Variants in STT3A observed in about 807,000 individuals in gnomAD.
STT3A encodes the protein STT3 oligosaccharyltransferase complex catalytic subunit A.
In STT3A, 34 loss-of-function variants were observed where a neutral mutation model predicts 89.2. The ratio of observed to expected loss-of-function variants is 0.38; its 90% confidence interval spans 0.29 to 0.51. The LOEUF is 0.51. Among genes scored for constraint, STT3A ranks in the 20% least tolerant of loss-of-function variants. The pLI, the probability that STT3A is intolerant of heterozygous loss-of-function variation, is 0.89. For missense variants in STT3A, 555 were observed against 889.5 expected (o/e 0.62, Z 4.78); for synonymous variants, 282 against 310.3 (o/e 0.91, Z 0.96).
chr11:125,618,240 AT>A (rs1565352655), intron 15 of STT3A, 132 bp from the exon 16 acceptor site: 1 of 832,982 alleles, frequency 1.2e-6, no homozygotes, highest in Non-Finnish European at 1.8e-6. Flanking sequence ...TGTCCTCACT[AT>A]TTTTACAAAT....
intron 16 of STT3A, 53 bp downstream of exon 16, chr11:125,618,614 T>A (rs1940249287): frequency 6.5e-7 from 1 of 1,541,346 alleles, no homozygotes; most frequent in Admixed American, 1.9e-5. Context: ...TGATTACTAA[T>A]ACACAGTATT....
chr11:125,602,993 G>C (rs993330539), intron 5 of STT3A, 45 bp downstream of exon 5: 1 of 1,610,066 alleles, frequency 6.2e-7, no homozygotes, highest in Non-Finnish European at 8.5e-7. Flanking sequence ...GAATGTTATT[G>C]AGCCTCTCTA....
At chr11:125,620,636 C>A in intron 17 of STT3A, 136 bp from the exon 18 acceptor site, 1 of 722,382 alleles carries the variant, frequency 1.4e-6, no homozygotes. Context: ...CTAGTCAGTG[C>A]TTGTGTATTC....
At chr11:125,608,772 A>G (rs1299400521) in intron 9 of STT3A, among the ~76,000 whole-genome samples, 1 of 152,216 alleles carries the variant, frequency 6.6e-6, no homozygotes, top group Non-Finnish European at 1.5e-5. Context: ...TTTTACATTC[A>G]ATCCACTTTT....
intron 1 of STT3A, among the ~76,000 whole-genome samples, chr11:125,594,030 A>G (rs1183010271): frequency 6.6e-6 from 1 of 152,204 alleles, no homozygotes; most frequent in Non-Finnish European, 1.5e-5. Context: ...AAAAATACAC[A>G]ATTTGTTGTA....
chr11:125,591,993 G>A (rs983961114), upstream of STT3A: 2 of 160,784 alleles, frequency 1.2e-5, no homozygotes, highest in Non-Finnish European at 1.4e-5. Flanking sequence ...GGGTGCGAGA[G>A]AAGAGAGGCA....
upstream of STT3A, chr11:125,592,466 C>G (rs959477688): frequency 8.8e-6 from 4 of 456,180 alleles, no homozygotes; most frequent in African/African-American, 2.0e-5. Flanking sequence ...GTTACTGGGA[C>G]TTGGAGCAAG....
chr11:125,620,868 A>T lies in STT3A; in HGVS notation c.*58A>T. The T allele has an allele frequency of 8.4e-7, 1 of 1,185,296 alleles. No individual in the cohort carries two copies. The highest frequency in any genetic ancestry group is 1.2e-6 in the Non-Finnish European group (1 of 866,828). 73.4% of individuals were successfully genotyped at this position (1,185,296 alleles called of 1,614,324 possible). On this transcript the variant is annotated 3_prime_UTR_variant, in exon 18 of 18. Coordinates refer to ENST00000392708, the MANE Select transcript of STT3A (RefSeq NM_152713.5). ...GAGCACATCACATTTAGGACGTTGA[A>T]GATTTTTTTTTTTTTTTTTTTTTAA...
chr11:125,603,706 G>A (rs1362365049), intron 5 of STT3A, among the ~76,000 whole-genome samples: 1 of 152,194 alleles, frequency 6.6e-6, no homozygotes, highest in Non-Finnish European at 1.5e-5. Context: ...GGCATCTTCA[G>A]TTTAGGTAGA....
rs59685125 is a variant in STT3A at position 125,611,863 on chromosome 11, ATTTTTTTTTTTTT to A, written c.1209+363_1209+375del. 6.5e-3 allele frequency among the ~76,000 whole-genome samples: 372 copies of A among 56,996 alleles called. 1 individual carries two copies. Among genetic ancestry groups the A allele is most frequent in the African/African-American group, 9.8e-3 (147 of 15,052 alleles). 37.4% of individuals were successfully genotyped at this position (56,996 alleles called of 152,430 possible). A position where few individuals can be genotyped will look rare whatever the true frequency, so the allele number is the denominator to read the frequency against. ...CTAGATTGTTAGAGGAGGGATTTGA[ATTTTTTTTTTTTT>A]TTTTTTTTTTTTTTTTTTGAGACAG... On this transcript the variant is annotated intron_variant, in intron 11 of 17. Coordinates refer to ENST00000392708, the MANE Select transcript of STT3A (RefSeq NM_152713.5).
chr11:125,602,344 G>T lies in STT3A; in HGVS notation c.191G>T (p.Gly64Val). ...YRTTRFLAEEGFYKFHNWFDD... is the reference protein window; with the variant it reads ...YRTTRFLAEEVFYKFHNWFDD... Reference sequence around the variant, plus strand: ...ACTACCAGGTTCCTGGCTGAGGAGGGGTTTTATAAATTCCATAACTGGTTT... The same window carrying T: ...ACTACCAGGTTCCTGGCTGAGGAGGTGTTTTATAAATTCCATAACTGGTTT... The change falls in exon 4 of 18, where the codon GGG becomes GTG. Residue 64 changes from glycine to valine, a missense_variant. By Grantham distance (109) the Gly-to-Val change is moderately radical. Coordinates refer to ENST00000392708, the MANE Select transcript of STT3A (RefSeq NM_152713.5). The T allele has an allele frequency of 1.9e-6, 3 of 1,613,634 alleles. No individual in the cohort carries two copies. Among genetic ancestry groups the T allele is most frequent in the Non-Finnish European group, 2.5e-6 (3 of 1,179,868 alleles).
intron 16 of STT3A, 120 bp downstream of exon 16, chr11:125,618,681 C>A: frequency 1.0e-6 from 1 of 961,336 alleles, no homozygotes; most frequent in Non-Finnish European, 1.5e-6. Flanking sequence ...TTAATCCTCA[C>A]AGCAACCCCA....
intron 15 of STT3A, 149 bp from the exon 16 acceptor site, chr11:125,618,224 G>T (rs1011730098): frequency 1.3e-5 from 9 of 703,568 alleles, no homozygotes; most frequent in Non-Finnish European, 1.6e-5. Flanking sequence ...TGCTTTGCCC[G>T]TATGTTGTCC....
chr11:125,614,048 T>G lies in STT3A; in HGVS notation c.1555-39T>G. 2 of 1,569,722 alleles carry G rather than the reference T, an allele frequency of 1.3e-6. No homozygotes were observed. The highest frequency in any genetic ancestry group is 1.7e-6 in the Non-Finnish European group (2 of 1,150,084). On this transcript the variant is annotated intron_variant, in intron 13 of 17. Transcript: ENST00000392708. The surrounding 1 kb of genome is among the most constrained non-coding windows in gnomAD (Gnocchi z 4.9). ...TGTTGCATTTGATTTTTAGAGACAG[T>G]GAGAAGCTTGTTATTTCCATTTCCC...
intron 8 of STT3A, 127 bp downstream of exon 8, chr11:125,606,592 T>G: frequency 9.4e-7 from 1 of 1,061,184 alleles, no homozygotes. Flanking sequence ...GAACTACTTG[T>G]GTTAGTTGAA....
rs772084737 is a variant in STT3A at position 125,618,460 on chromosome 11, C to G, written c.1862C>G (p.Thr621Ser). Reference sequence around the variant, plus strand: ...AAGGAGAATGACTATTATACTCCAACTGGGGAGTTCCGTGTGGACCGTGAA... The same window carrying G: ...AAGGAGAATGACTATTATACTCCAAGTGGGGAGTTCCGTGTGGACCGTGAA... ...HIKENDYYTPTGEFRVDREGS... is the reference protein window; with the variant it reads ...HIKENDYYTPSGEFRVDREGS... Residue 621 changes from threonine to serine, a missense_variant, in exon 16 of 18, where the codon ACT becomes AGT. Transcript: ENST00000392708. 2.5e-6 allele frequency: 4 copies of G among 1,613,666 alleles called. No homozygotes were observed. The East Asian group carries it at 8.9e-5, about 36-fold the overall frequency.
rs1940383516 is a variant in STT3A, at chr11:125,622,706, A to G, written c.*1896A>G. 1 of 152,228 alleles carries G rather than the reference A, an allele frequency of 6.6e-6. No individual in the cohort carries two copies. The highest frequency in any genetic ancestry group is 1.5e-5 in the Non-Finnish European group (1 of 68,094). 9.4% of individuals were successfully genotyped at this position (152,228 alleles called of 1,614,324 possible). A position where few individuals can be genotyped will look rare whatever the true frequency, so the allele number is the denominator to read the frequency against. ...CAAGACCAGCCTGGGCAACATGGCT[A>G]ATGAACACTAAGCATAGTTTTGATG... On this transcript the variant is annotated 3_prime_UTR_variant, in exon 18 of 18. Transcript: ENST00000392708.
At chr11:125,612,082 G>A (rs982968279) in intron 11 of STT3A, among the ~76,000 whole-genome samples, 3 of 151,788 alleles carry the variant, frequency 2.0e-5, no homozygotes, top group Admixed American at 1.3e-4. Context: ...TTCCATGTTC[G>A]TCAGGCTGAT....
rs1939808249 is a variant in STT3A at position 125,605,568 on chromosome 11, T to A, written c.509-61T>A. 2.4e-6 allele frequency: 3 copies of A among 1,242,244 alleles called. No individual in the cohort carries two copies. The African/African-American group carries it at 4.5e-5, about 19-fold the overall frequency. The allele number at this position is 1,242,244 out of a possible 1,614,324, so 77.0% of individuals were successfully genotyped here. ...ATCCAGGCAGTCTGTTCCAGAACAG[T>A]ATTCTTAATGACTATACTAGCCTGG... On this transcript the variant is annotated intron_variant, in intron 6 of 17. Transcript: ENST00000392708.
Sources: gnomAD v4.1 joint callset for allele counts (sites outside exome capture counted in the v4.1 genomes callset) on GRCh38, gnomAD v4.1.1 for gene constraint, Gnocchi (gnomAD v3.1) non-coding constraint, MANE v1.5 for transcripts, NCBI Gene and HGNC (gene_info 2026-07-23, HGNC 2026-07-21) for gene names.